Variants in NCKAP1 observed in about 807,000 individuals in gnomAD.
NCKAP1 encodes NCK associated protein 1.
NCKAP1 carries 21 observed loss-of-function variants against 151.2 expected under a neutral mutation model. The ratio of observed to expected loss-of-function variants is 0.14; its 90% CI spans 0.10 to 0.20. NCKAP1 has a LOEUF of 0.20. NCKAP1 is among the 10% of genes least tolerant of loss of function. The pLI, the probability that NCKAP1 is intolerant of heterozygous loss-of-function variation, is 1.00. For synonymous variants in NCKAP1, 484 were observed against 451.8 expected, an observed-to-expected ratio of 1.07 and a Z score of -0.90; for missense variants, 933 against 1,352.1, an observed-to-expected ratio of 0.69 and a Z score of 4.86.
At chr2:182,939,200 A>G (rs983127084) in intron 24 of NCKAP1, among the ~76,000 whole-genome samples, 3 of 152,186 alleles carry the variant, frequency 2.0e-5, no homozygotes, top group Non-Finnish European at 2.9e-5. Flanking sequence ...TTAAACAGAC[A>G]TAAGGAGATT....
At chr2:182,959,958 T>G (rs1575031271) in intron 18 of NCKAP1, among the ~76,000 whole-genome samples, 1 of 152,128 alleles carries the variant, frequency 6.6e-6, no homozygotes, top group African/African-American at 2.4e-5. Flanking sequence ...GAGAGCCAAA[T>G]CATGAGTGAA....
At chr2:182,993,945 G>A (rs1375259484) in intron 8 of NCKAP1, among the ~76,000 whole-genome samples, 1 of 152,140 alleles carries the variant, frequency 6.6e-6, no homozygotes, top group Admixed American at 6.5e-5. Context: ...AAACTTGGTG[G>A]TAGATTTATG....
intron 1 of NCKAP1, among the ~76,000 whole-genome samples, chr2:183,031,597 T>C (rs1699005260): frequency 6.6e-6 from 1 of 152,132 alleles, no homozygotes; most frequent in Non-Finnish European, 1.5e-5. Context: ...GAACATTTAT[T>C]AAGTGTCCAC....
intron 20 of NCKAP1, among the ~76,000 whole-genome samples, chr2:182,954,563 C>T (rs969546198): frequency 6.6e-6 from 1 of 152,120 alleles, no homozygotes; most frequent in Non-Finnish European, 1.5e-5. Flanking sequence ...TTGACAAAAA[C>T]CAACCCACTA....
intron 23 of NCKAP1, among the ~76,000 whole-genome samples, chr2:182,944,893 A>G (rs1179201618): frequency 6.6e-6 from 1 of 152,028 alleles, no homozygotes; most frequent in East Asian, 1.9e-4. Context: ...CCTGAAGCCA[A>G]GAGTTTGAGA....
Position 182,981,098 on chromosome 2 carries a change from C to T in NCKAP1, c.1341+146G>A, listed in dbSNP as rs1697927776. ...TTGGACTACAACTAACTGTTTCTTC[C>T]CTTCTAGGTAATGATCTCCAAAATA... is the stretch of plus-strand genomic sequence containing the variant. On this transcript the variant is annotated intron_variant, in intron 13 of 30. Transcript: ENST00000361354. 1.0e-5 allele frequency: 10 copies of T among 979,378 alleles called. No homozygotes were observed. The South Asian group carries it at 1.4e-4, about 14-fold the overall frequency. The allele number at this position is 979,378 out of a possible 1,614,324, so 60.7% of individuals were successfully genotyped here. A position where few individuals can be genotyped will look rare whatever the true frequency, so the allele number is the denominator to read the frequency against.
intron 15 of NCKAP1, among the ~76,000 whole-genome samples, chr2:182,974,996 G>A (rs1697776085): frequency 6.6e-6 from 1 of 152,186 alleles, no homozygotes; most frequent in African/African-American, 2.4e-5. Flanking sequence ...ATGTAAGGGT[G>A]CATCTGAAAT....
rs1698387209 is a variant in NCKAP1, at chr2:183,002,227, T to A, written c.412A>T (p.Ile138Leu). The A allele has an allele frequency of 1.3e-6, 2 of 1,567,694 alleles. No homozygotes were observed. Among genetic ancestry groups the A allele is most frequent in the Admixed American group, 3.4e-5 (2 of 58,854 alleles). The change falls in exon 5 of 31, where the codon ATA becomes TTA. Residue 138 changes from isoleucine (I) to leucine (L), a missense_variant. This residue lies in a region of NCKAP1 where 607 missense variants were observed against 795.0 expected (regional missense o/e 0.76). Coordinates refer to ENST00000361354, the MANE Select transcript of NCKAP1 (RefSeq NM_013436.5). The part of the protein sequence containing the change: ...DLTKNYLDLI[I>L]TYTTLMILLS... ...AGTATCATTAGTGTTGTATAGGTTA[T>A]AATTAAATCTAAGTAGTTCTTTGTT...
intron 20 of NCKAP1, among the ~76,000 whole-genome samples, chr2:182,954,617 C>T (rs530933567): frequency 5.3e-5 from 8 of 152,230 alleles, no homozygotes; most frequent in East Asian, 3.9e-4. Context: ...GAAACCCCGT[C>T]TCTACTAAAA....
rs1028651985 is a variant in NCKAP1 at position 182,912,228 on chromosome 2, T to G, written c.*13474A>C. On this transcript the variant is annotated 3_prime_UTR_variant, in exon 31 of 31. Coordinates refer to ENST00000361354, the MANE Select transcript of NCKAP1 (RefSeq NM_013436.5). ...GATATGAGAAAAATATGCTTTTGCC[T>G]TTAAGGCAACATGTTGCCCATTACG... is the stretch of plus-strand genomic sequence containing the variant. 2.0e-5 allele frequency: 3 copies of G among 152,216 alleles called. No individual in the cohort carries two copies. Among genetic ancestry groups the G allele is most frequent in the Non-Finnish European group, 4.4e-5 (3 of 68,032 alleles). 9.4% of individuals were successfully genotyped at this position (152,216 alleles called of 1,614,324 possible).
At chr2:182,993,448 T>C (rs538450045) in intron 8 of NCKAP1, among the ~76,000 whole-genome samples, 1 of 152,318 alleles carries the variant, frequency 6.6e-6, no homozygotes, top group South Asian at 2.1e-4. Context: ...TATTCCCCTG[T>C]GGCAGTGAGC....
At chr2:182,993,612 G>A (rs1161365518) in intron 8 of NCKAP1, among the ~76,000 whole-genome samples, 7 of 152,124 alleles carry the variant, frequency 4.6e-5, no homozygotes, top group Non-Finnish European at 1.0e-4. Flanking sequence ...TCCTTAGGAA[G>A]CTAAGGCAGG....
chr2:183,026,992 T>C (rs946761559), intron 1 of NCKAP1, among the ~76,000 whole-genome samples: 5 of 152,228 alleles, frequency 3.3e-5, no homozygotes, highest in Non-Finnish European at 5.9e-5. Flanking sequence ...AACTATTAAA[T>C]ACAATCCCCT....
intron 7 of NCKAP1, 116 bp from the exon 8 acceptor site, chr2:182,995,003 C>T: frequency 1.3e-6 from 1 of 769,592 alleles, no homozygotes; most frequent in African/African-American, 1.8e-5. Flanking sequence ...CGCCCAAATA[C>T]TACCACAACA....
In NCKAP1 at chr2:182,967,324, G is replaced by A; in HGVS notation, c.1520C>T (p.Ala507Val). The A allele has an allele frequency of 6.2e-7, 1 of 1,610,684 alleles. No homozygotes were observed. Among genetic ancestry groups the A allele is most frequent in the Admixed American group, 1.7e-5 (1 of 59,674 alleles). The change falls in exon 16 of 31, where the codon GCA (alanine) becomes GTA (valine). Residue 507 changes from alanine (A) to valine (V), a missense_variant. Physicochemically the swap from Ala to Val is moderately conservative, Grantham distance 64. Coordinates refer to ENST00000361354, the MANE Select transcript of NCKAP1 (RefSeq NM_013436.5). ...TSVSKASLGL[A>V]DHRELGKMMN... ...CATCTTTCCAAGTTCTCTGTGATCT[G>A]CAAGGCCAAGTGAAGCCTTTGAGAC...
intron 30 of NCKAP1, among the ~76,000 whole-genome samples, chr2:182,926,262 G>A (rs1052863234): frequency 9.9e-5 from 15 of 152,016 alleles, no homozygotes; most frequent in East Asian, 1.9e-4. Flanking sequence ...AAAGATTAAT[G>A]TAGGCCAAAG....
intron 6 of NCKAP1, among the ~76,000 whole-genome samples, chr2:182,998,608 T>C (rs566698386): frequency 1.3e-5 from 2 of 152,018 alleles, no homozygotes; most frequent in African/African-American, 4.8e-5. Flanking sequence ...GGCGGGCTGA[T>C]TACCTGAGGT....
chr2:182,948,450 T>C (rs1478090298), intron 23 of NCKAP1, among the ~76,000 whole-genome samples: 1 of 152,146 alleles, frequency 6.6e-6, no homozygotes, highest in Non-Finnish European at 1.5e-5. Flanking sequence ...TGAGCGAGAA[T>C]ACAGCCACTC....
intron 18 of NCKAP1, among the ~76,000 whole-genome samples, chr2:182,961,588 G>A (rs1367546883): frequency 6.6e-6 from 1 of 152,078 alleles, no homozygotes; most frequent in Non-Finnish European, 1.5e-5. Flanking sequence ...GTGGGGTGGG[G>A]AAATTGGGGA....
Sources: allele counts gnomAD v4.1 joint callset (sites outside exome capture counted in the v4.1 genomes callset), GRCh38; gene constraint gnomAD v4.1.1; regional missense constraint gnomAD v4.1.1; transcripts MANE v1.5; gene names NCBI Gene and HGNC (gene_info 2026-07-23, HGNC 2026-07-21).